Variants in TNR observed in about 807,000 individuals in gnomAD.
The protein encoded by TNR is tenascin R.
TNR carries 45 observed loss-of-function variants against 150.4 expected under a neutral mutation model. The ratio of observed to expected loss-of-function variants is 0.30; its 90% CI spans 0.24 to 0.38. The LOEUF is 0.38. Ranked by LOEUF, TNR falls within the 10% of genes least tolerant of loss-of-function variation. The pLI is 1.00. For synonymous variants in TNR, 687 were observed against 678.4 expected, an observed-to-expected ratio of 1.01 and a Z score of -0.20; for missense variants, 1,544 against 1,759.1, an observed-to-expected ratio of 0.88 and a Z score of 2.19.
chr1:175,595,649 G>A (rs1324857310), intron 1 of TNR, among the ~76,000 whole-genome samples: 1 of 152,104 alleles, frequency 6.6e-6, no homozygotes, highest in Non-Finnish European at 1.5e-5. Context: ...GTCTATAGTA[G>A]ACCCACTAAA....
At chr1:175,558,916 A>G (rs1185233843) in intron 1 of TNR, among the ~76,000 whole-genome samples, 1 of 152,180 alleles carries the variant, frequency 6.6e-6, no homozygotes, top group Admixed American at 6.5e-5. Context: ...TCCTAGTGCA[A>G]ACTGTATAAT....
In TNR at chr1:175,365,041, G is replaced by T; in HGVS notation, c.2556C>A (p.Thr852=). 6.2e-7 allele frequency: 1 copy of T among 1,613,476 alleles called. No individual in the cohort carries two copies. Among genetic ancestry groups the T allele is most frequent in the African/African-American group, 1.3e-5 (1 of 75,032 alleles). ...TGATGGAGCCCACAATGGGCTCAGA[G>T]GTCACTGTGCCATGGACAGCCACAA... ...VNLVAVHGTV[T]SEPIVGSITT... The change falls in exon 12 of 23, where the codon ACC becomes ACA. Residue 852 remains threonine, a synonymous_variant. Transcript: ENST00000367674.
chr1:175,499,364 A>T (rs1658631641), intron 2 of TNR, among the ~76,000 whole-genome samples: 1 of 152,238 alleles, frequency 6.6e-6, no homozygotes, highest in Admixed American at 6.5e-5. Flanking sequence ...TGTCAAATGC[A>T]GGATTGTAAA....
At chr1:175,641,519 G>A (rs142334388) in intron 1 of TNR, among the ~76,000 whole-genome samples, 11 of 152,262 alleles carry the variant, frequency 7.2e-5, no homozygotes, top group Admixed American at 1.3e-4. Flanking sequence ...TGTGGAGAAG[G>A]TACAATGGGA....
chr1:175,530,350 CTT>C (rs1464571431), intron 1 of TNR, among the ~76,000 whole-genome samples: 1 of 152,184 alleles, frequency 6.6e-6, no homozygotes, highest in Non-Finnish European at 1.5e-5. Context: ...ACCCGCCTCT[CTT>C]TGGCTCTGGG....
intron 2 of TNR, among the ~76,000 whole-genome samples, chr1:175,478,579 C>T (rs1421765076): frequency 6.6e-6 from 1 of 151,970 alleles, no homozygotes; most frequent in East Asian, 1.9e-4. Flanking sequence ...TCCAGCCCAG[C>T]CTCCTCTGGG....
chr1:175,362,520 C>T (rs1651645462), intron 14 of TNR, 143 bp downstream of exon 14: 5 of 958,168 alleles, frequency 5.2e-6, no homozygotes, highest in Non-Finnish European at 4.6e-6. Flanking sequence ...AGAGAAATTG[C>T]AAATTGCCCT....
intron 1 of TNR, among the ~76,000 whole-genome samples, chr1:175,623,429 T>C (rs1417221040): frequency 6.6e-6 from 1 of 152,220 alleles, no homozygotes; most frequent in Non-Finnish European, 1.5e-5. Flanking sequence ...ATCAGCCCTC[T>C]TGCTCTGGGC....
At chr1:175,389,977 A>T (rs1653098352) in intron 7 of TNR, among the ~76,000 whole-genome samples, 1 of 152,208 alleles carries the variant, frequency 6.6e-6, no homozygotes, top group African/African-American at 2.4e-5. Context: ...TCTTAAATGG[A>T]TGTACAAAAT....
intron 1 of TNR, among the ~76,000 whole-genome samples, chr1:175,627,050 G>C (rs1222911198): frequency 6.6e-6 from 1 of 152,192 alleles, no homozygotes; most frequent in African/African-American, 2.4e-5. Flanking sequence ...CTTGATTTTG[G>C]ACTTCTGGCC....
At chr1:175,327,806 C>A (rs1255860299) in intron 21 of TNR, among the ~76,000 whole-genome samples, 1 of 152,098 alleles carries the variant, frequency 6.6e-6, no homozygotes, top group Non-Finnish European at 1.5e-5. Flanking sequence ...CCACAAACAC[C>A]CCTTAAACTA....
intron 1 of TNR, among the ~76,000 whole-genome samples, chr1:175,595,238 G>A (rs986775221): frequency 3.9e-5 from 6 of 152,176 alleles, no homozygotes; most frequent in Non-Finnish European, 8.8e-5. Context: ...CCAGCTATTG[G>A]TAGAGAATGC....
At chr1:175,558,902 C>A (rs141210486) in intron 1 of TNR, among the ~76,000 whole-genome samples, 1 of 152,068 alleles carries the variant, frequency 6.6e-6, no homozygotes, top group African/African-American at 2.4e-5. Context: ...ATACCAAGAG[C>A]GAATCCTAGT....
At chr1:175,415,060 C>T (rs1434486479) in intron 2 of TNR, among the ~76,000 whole-genome samples, 1 of 151,522 alleles carries the variant, frequency 6.6e-6, no homozygotes. Context: ...TTTCCAGCTT[C>T]TGCCATTTGT....
At chr1:175,671,910 C>CGTGTGTGTGTGTGT (rs1558065420) in intron 1 of TNR, among the ~76,000 whole-genome samples, 1 of 100,892 alleles carries the variant, frequency 9.9e-6, no homozygotes, top group African/African-American at 4.3e-5. Context: ...ATGAGCTGTA[C>CGTGTGTGTGTGTGT]CTGTGTGTGT....
chr1:175,503,758 A>C (rs1166992794), intron 2 of TNR, among the ~76,000 whole-genome samples: 3 of 152,346 alleles, frequency 2.0e-5, no homozygotes, highest in Non-Finnish European at 2.9e-5. Flanking sequence ...GAGTAAATTA[A>C]GGGGAATGAA....
intron 15 of TNR, among the ~76,000 whole-genome samples, 198 bp from the exon 16 acceptor site, chr1:175,356,660 C>A (rs1011117365): frequency 6.6e-6 from 1 of 152,066 alleles, no homozygotes; most frequent in African/African-American, 2.4e-5. Flanking sequence ...AAAAAGTGTT[C>A]TTTATGTGCA....
intron 1 of TNR, among the ~76,000 whole-genome samples, chr1:175,603,364 G>T (rs1158170507): frequency 6.6e-6 from 1 of 152,222 alleles, no homozygotes; most frequent in East Asian, 1.9e-4. Context: ...AAAGGAAATA[G>T]TAAGGGGTCA....
At chr1:175,510,021 GT>G (rs1659105244) in intron 2 of TNR, among the ~76,000 whole-genome samples, 3 of 152,240 alleles carry the variant, frequency 2.0e-5, no homozygotes, top group African/African-American at 7.2e-5. Context: ...GAGCCCAGGA[GT>G]TTGAGAACAG....
Sources: allele counts gnomAD v4.1 joint callset (sites outside exome capture counted in the v4.1 genomes callset), GRCh38; gene constraint gnomAD v4.1.1; transcripts MANE v1.5; gene names NCBI Gene and HGNC (gene_info 2026-07-23, HGNC 2026-07-21).